Variants in LRMDA observed in about 807,000 individuals in gnomAD.
LRMDA encodes leucine-rich melanocyte differentiation-associated protein.
A neutral mutation model predicts 29.8 loss-of-function variants in LRMDA; 18 were observed. The ratio of observed to expected loss-of-function variants is 0.60; its 90% confidence interval spans 0.42 to 0.90. The LOEUF (loss-of-function observed/expected upper bound fraction) is 0.90. Among genes scored for constraint, LRMDA ranks in the 40% least tolerant of loss-of-function variants. The probability of loss-of-function intolerance (pLI) is 0.00; values close to 1 mark genes in which losing one functional copy is unlikely to be tolerated. For missense variants in LRMDA, 273 were observed against 273.9 expected, an observed-to-expected ratio of 1.00 and a Z score of 0.02; for synonymous variants, 125 against 109.4, an observed-to-expected ratio of 1.14 and a Z score of -0.89.
At chr10:75,974,777 C>A (rs975164085) in intron 2 of LRMDA, among the ~76,000 whole-genome samples, 1 of 152,186 alleles carries the variant, frequency 6.6e-6, no homozygotes, top group Non-Finnish European at 1.5e-5. Flanking sequence ...CCTAAAATTT[C>A]ATACCTACAA....
At chr10:75,485,843 G>T (rs140368143) in intron 2 of LRMDA, among the ~76,000 whole-genome samples, 1 of 152,274 alleles carries the variant, frequency 6.6e-6, no homozygotes, top group African/African-American at 2.4e-5. Context: ...ATCCCAAAGT[G>T]CTGGGGTTAC....
chr10:76,064,079 G>A (rs1179983073), intron 5 of LRMDA, among the ~76,000 whole-genome samples: 1 of 152,174 alleles, frequency 6.6e-6, no homozygotes, highest in East Asian at 1.9e-4. Context: ...AAAGGTTGTT[G>A]TATGTGTTCT....
At chr10:76,236,383 C>T (rs1163223052) in intron 5 of LRMDA, among the ~76,000 whole-genome samples, 2 of 152,186 alleles carry the variant, frequency 1.3e-5, no homozygotes, top group African/African-American at 4.8e-5. Flanking sequence ...TCTGACACTA[C>T]AATCATAAGG....
chr10:76,038,356 T>G (rs1848286485), intron 3 of LRMDA, among the ~76,000 whole-genome samples: 1 of 152,234 alleles, frequency 6.6e-6, no homozygotes, highest in South Asian at 2.1e-4. Context: ...CCTTTCCCTA[T>G]TCTGTGCCTC....
chr10:75,907,751 A>G (rs1038837639), intron 2 of LRMDA, among the ~76,000 whole-genome samples: 5 of 152,168 alleles, frequency 3.3e-5, no homozygotes, highest in Non-Finnish European at 7.4e-5. Flanking sequence ...TTCCAACACC[A>G]TCGGCTCAAA....
intron 2 of LRMDA, among the ~76,000 whole-genome samples, chr10:75,548,778 C>T (rs968246999): frequency 2.6e-5 from 4 of 152,008 alleles, no homozygotes; most frequent in African/African-American, 9.7e-5. Flanking sequence ...AATATACATA[C>T]TCGGGTTGTA....
At chr10:75,458,021 G>A (rs1347381425) in intron 2 of LRMDA, among the ~76,000 whole-genome samples, 1 of 152,170 alleles carries the variant, frequency 6.6e-6, no homozygotes, top group Non-Finnish European at 1.5e-5. Flanking sequence ...TTAAGACACA[G>A]GATGCCTGAG....
intron 2 of LRMDA, among the ~76,000 whole-genome samples, chr10:75,509,171 T>C (rs1016766057): frequency 6.6e-6 from 1 of 152,168 alleles, no homozygotes; most frequent in African/African-American, 2.4e-5. Context: ...TTGGCCCTCA[T>C]GGGCCACCGT....
intron 6 of LRMDA, among the ~76,000 whole-genome samples, chr10:76,550,136 T>C (rs917317168): frequency 1.3e-5 from 2 of 152,158 alleles, no homozygotes; most frequent in Non-Finnish European, 2.9e-5. Context: ...CTCAATAAAA[T>C]AGAAATGAAA....
chr10:75,716,904 A>C (rs1842507864), intron 2 of LRMDA, among the ~76,000 whole-genome samples: 1 of 152,224 alleles, frequency 6.6e-6, no homozygotes, highest in Admixed American at 6.5e-5. Context: ...GAGGGAGCAC[A>C]GCAAAGTGAG....
intron 5 of LRMDA, among the ~76,000 whole-genome samples, chr10:76,159,170 A>G (rs1850597572): frequency 6.6e-6 from 1 of 152,206 alleles, no homozygotes; most frequent in African/African-American, 2.4e-5. Context: ...GCTGAATAAA[A>G]CAACCATCTA....
chr10:75,733,886 A>G (rs1399791518), intron 2 of LRMDA, among the ~76,000 whole-genome samples: 1 of 152,216 alleles, frequency 6.6e-6, no homozygotes, highest in Non-Finnish European at 1.5e-5. Context: ...TGAATCATGA[A>G]GCCTAAAGGA....
At chr10:76,443,375 TC>T (rs1842323411) in intron 6 of LRMDA, among the ~76,000 whole-genome samples, 1 of 152,184 alleles carries the variant, frequency 6.6e-6, no homozygotes. Flanking sequence ...CATCACATCT[TC>T]GAGATAATCC....
Position 76,146,176 on chromosome 10 carries a change from G to T in LRMDA, c.516+87393G>T, listed in dbSNP as rs539073630. On this transcript the variant is annotated intron_variant, in intron 5 of 6. Transcript: ENST00000611255. ...AAAGAATGTATATTCCGTTGATTTG[G>T]GGTGGAGAGTTCTGTAGATTTCTAT... 2.0e-5 allele frequency among the ~76,000 whole-genome samples: 3 copies of T among 152,252 alleles called. No individual in the cohort carries two copies. In the South Asian group the frequency reaches 6.2e-4, roughly 32 times the overall value.
At chr10:75,708,073 T>C (rs951527207) in intron 2 of LRMDA, among the ~76,000 whole-genome samples, 2 of 152,222 alleles carry the variant, frequency 1.3e-5, no homozygotes, top group East Asian at 3.9e-4. Flanking sequence ...TGAGGAGTGA[T>C]GAGCCAAAGG....
At chr10:76,316,348 T>G (rs1840698637) in intron 5 of LRMDA, among the ~76,000 whole-genome samples, 3 of 152,198 alleles carry the variant, frequency 2.0e-5, no homozygotes, top group Non-Finnish European at 2.9e-5. Context: ...TACTGGCACT[T>G]GGAGCTGCCT....
At chr10:75,433,011 C>T (rs1844220055) in intron 1 of LRMDA, among the ~76,000 whole-genome samples, 1 of 152,118 alleles carries the variant, frequency 6.6e-6, no homozygotes, top group South Asian at 2.1e-4. Flanking sequence ...TGGAGAAAGA[C>T]CAGAGTTCAG....
At chr10:76,364,615 A>G (rs1841366892) in intron 6 of LRMDA, among the ~76,000 whole-genome samples, 1 of 152,076 alleles carries the variant, frequency 6.6e-6, no homozygotes, top group Admixed American at 6.6e-5. Flanking sequence ...GAAAAAGGAT[A>G]TTAATTAAAT....
At chr10:75,812,652 T>A (rs1843985386) in intron 2 of LRMDA, among the ~76,000 whole-genome samples, 1 of 152,204 alleles carries the variant, frequency 6.6e-6, no homozygotes, top group Non-Finnish European at 1.5e-5. Context: ...AGCCAGAGAT[T>A]ATTGACAGAG....
Sources: gnomAD v4.1 joint callset for allele counts (sites outside exome capture counted in the v4.1 genomes callset) on GRCh38, gnomAD v4.1.1 for gene constraint, MANE v1.5 for transcripts, NCBI Gene and HGNC (gene_info 2026-07-23, HGNC 2026-07-21) for gene names.